Variants in FHAD1 observed in about 807,000 individuals in gnomAD.
FHAD1 encodes forkhead-associated domain-containing protein 1.
FHAD1 carries 146 observed loss-of-function variants against 191.3 expected under a neutral mutation model. The observed-to-expected ratio is 0.76, with a 90% confidence interval of 0.67 to 0.88. The LOEUF is 0.88. FHAD1 is among the 40% of genes least tolerant of loss of function. The pLI is 0.00. For synonymous variants in FHAD1, 616 were observed against 672.3 expected (o/e 0.92, Z 1.29); for missense variants, 1,635 against 1,785.8 (o/e 0.92, Z 1.52).
At chr1:15,267,531 C>T (rs2101105633) in intron 2 of FHAD1, among the ~76,000 whole-genome samples, 1 of 152,158 alleles carries the variant, frequency 6.6e-6, no homozygotes, top group Middle Eastern at 3.4e-3. Flanking sequence ...GAGCTGGTAT[C>T]ATTTCTTCCT....
Position 15,318,529 on chromosome 1 carries a change from G to T in FHAD1, c.1365+601G>T, listed in dbSNP as rs1675230726. 6.6e-6 allele frequency among the ~76,000 whole-genome samples: 1 copy of T among 152,126 alleles called. No individual in the cohort carries two copies. The highest frequency in any genetic ancestry group is 2.1e-4 in the South Asian group (1 of 4,828). ...GAGGCCTGTAATTCCAGCCACTCAG[G>T]AGGCTGAGGCAGGAGAATCACTTGA... On this transcript the variant is annotated intron_variant, in intron 10 of 33. Coordinates refer to ENST00000688493, the MANE Select transcript of FHAD1 (RefSeq NM_001391957.1). The surrounding 1 kb of genome is among the most constrained non-coding windows in gnomAD (Gnocchi z 4.1).
chr1:15,353,734 A>G (rs1282532895), intron 20 of FHAD1, among the ~76,000 whole-genome samples: 2 of 135,820 alleles, frequency 1.5e-5, no homozygotes, highest in South Asian at 4.3e-4. Context: ...AAAGAAAAGA[A>G]AAAAAAAAAA....
rs1672380429 is a variant in FHAD1, at chr1:15,311,884, G to GGA, written c.1040-1172_1040-1171insAG. Among the ~76,000 whole-genome samples, 1 of 152,156 alleles carries GGA rather than the reference G, an allele frequency of 6.6e-6. No homozygotes were observed. Among genetic ancestry groups the GGA allele is most frequent in the Non-Finnish European group, 1.5e-5 (1 of 68,032 alleles). Reference sequence around the variant, plus strand: ...TTGGGAGTGACTTAGTCTGGCTCAGGGTCTCTCACGAGGTTGCAGGAGCTA... The same window carrying GGA: ...TTGGGAGTGACTTAGTCTGGCTCAGGGAGTCTCTCACGAGGTTGCAGGAGCTA... On this transcript the variant is annotated intron_variant, in intron 7 of 33. Coordinates refer to ENST00000688493, the MANE Select transcript of FHAD1 (RefSeq NM_001391957.1). The surrounding 1 kb of genome is among the most constrained non-coding windows in gnomAD (Gnocchi z 4.1).
chr1:15,360,215 C>G (rs1694325763), intron 21 of FHAD1, among the ~76,000 whole-genome samples: 1 of 152,182 alleles, frequency 6.6e-6, no homozygotes, highest in African/African-American at 2.4e-5. Context: ...GACGCTGGAA[C>G]AGAAAGTGTC....
At chr1:15,245,697 C>T (rs1645939040), upstream of FHAD1, among the ~76,000 whole-genome samples, 1 of 152,204 alleles carries the variant, frequency 6.6e-6, no homozygotes, top group Non-Finnish European at 1.5e-5. Context: ...ACCTTCCAGA[C>T]TGAGGGCCTG....
rs1700707744 is a variant in FHAD1 at position 15,380,714 on chromosome 1, T to G, written c.3719T>G (p.Leu1240Arg). 1 of 1,551,580 alleles carries G rather than the reference T, an allele frequency of 6.4e-7. No homozygotes were observed. Among genetic ancestry groups the G allele is most frequent in the Non-Finnish European group, 8.7e-7 (1 of 1,146,970 alleles). Residue 1240 changes from leucine (L) to arginine (R), a missense_variant, in exon 29 of 34, where the codon CTT becomes CGT. Transcript: ENST00000688493. Reference sequence around the variant, plus strand: ...TTCTGATTTCAGCCTCAGAATGGCCTTTGCAACGCAAGGTTCGGCTCAGCC... The same window carrying G: ...TTCTGATTTCAGCCTCAGAATGGCCGTTGCAACGCAAGGTTCGGCTCAGCC... ...RIEILAPQNG[L>R]CNARFGSAME...
intron 2 of FHAD1, among the ~76,000 whole-genome samples, chr1:15,266,559 G>T (rs1167045853): frequency 6.6e-6 from 1 of 152,008 alleles, no homozygotes; most frequent in African/African-American, 2.4e-5. Context: ...TGATACATTT[G>T]TTGCAATTGA....
At chr1:15,237,238 T>C (rs1644881094) in intron 1 of FHAD1, among the ~76,000 whole-genome samples, 1 of 152,194 alleles carries the variant, frequency 6.6e-6, no homozygotes, top group African/African-American at 2.4e-5. Flanking sequence ...GTTGAAAGTA[T>C]TTTAACACAC....
At chr1:15,348,964 TATTATTATC>T in intron 18 of FHAD1, 69 bp from the exon 19 acceptor site, 1 of 896,840 alleles carries the variant, frequency 1.1e-6, no homozygotes, top group Non-Finnish European at 1.7e-6. Flanking sequence ...CTATTATTAT[TATTATTATC>T]ATTATCATTA....
At chr1:15,396,124 A>G (rs1340634199) in intron 33 of FHAD1, among the ~76,000 whole-genome samples, 3 of 152,206 alleles carry the variant, frequency 2.0e-5, no homozygotes, top group Non-Finnish European at 4.4e-5. Context: ...AGCCTGGGCA[A>G]CATGGCAAAA....
intron 14 of FHAD1, 140 bp from the exon 15 acceptor site, chr1:15,339,341 C>CT (rs1270959519): frequency 1.1e-5 from 4 of 373,974 alleles, no homozygotes; most frequent in Non-Finnish European, 1.6e-5. Context: ...TGCCCGGCTG[C>CT]TTATCAACTA....
Position 15,391,730 on chromosome 1 carries a change from CTG to C in FHAD1, c.4323+468_4323+469del, listed in dbSNP as rs529276069. On this transcript the variant is annotated intron_variant, in intron 33 of 33. Coordinates refer to ENST00000688493, the MANE Select transcript of FHAD1 (RefSeq NM_001391957.1). Reference sequence around the variant, plus strand: ...GACAACAAAATTGTCATTGGAAAAACTGAAGATATTCTATGCAAGGGACATTT... The same window carrying C: ...GACAACAAAATTGTCATTGGAAAAACAAGATATTCTATGCAAGGGACATTT... Among the ~76,000 whole-genome samples, 37 of 152,370 alleles carry C rather than the reference CTG, an allele frequency of 2.4e-4. No homozygotes were observed. The South Asian group carries it at 7.5e-3, about 31-fold the overall frequency.
chr1:15,295,406 T>C (rs1036181658), intron 4 of FHAD1, among the ~76,000 whole-genome samples: 2 of 152,140 alleles, frequency 1.3e-5, no homozygotes, highest in Admixed American at 1.3e-4. Context: ...CTTAGAGGTT[T>C]GAGACCAACT....
Position 15,326,894 on chromosome 1 carries a change from G to A in FHAD1, c.1474-165G>A, listed in dbSNP as rs1678881981. The A allele has an allele frequency of 1.2e-5, 7 of 588,288 alleles. No homozygotes were observed. The South Asian group carries it at 1.6e-4, about 13-fold the overall frequency. 36.4% of individuals were successfully genotyped at this position (588,288 alleles called of 1,614,324 possible). A position where few individuals can be genotyped will look rare whatever the true frequency, so the allele number is the denominator to read the frequency against. Reference sequence around the variant, plus strand: ...CCTGCTGTTCTCTTTTCTTCTGTGGGTCCCGCCACTCCCCGTGAGCGGTGA... The same window carrying A: ...CCTGCTGTTCTCTTTTCTTCTGTGGATCCCGCCACTCCCCGTGAGCGGTGA... On this transcript the variant is annotated intron_variant, in intron 11 of 33. Transcript: ENST00000688493.
intron 8 of FHAD1, among the ~76,000 whole-genome samples, chr1:15,315,860 G>T (rs1271707453): frequency 6.6e-6 from 1 of 152,134 alleles, no homozygotes; most frequent in Admixed American, 6.5e-5. Flanking sequence ...TTGCTGATTT[G>T]CCCAGCCATT....
At chr1:15,242,094 A>G (rs977447241) in intron 1 of FHAD1, among the ~76,000 whole-genome samples, 4 of 152,012 alleles carry the variant, frequency 2.6e-5, no homozygotes, top group African/African-American at 9.7e-5. Flanking sequence ...GTAGCCGGGC[A>G]TGGTGGCGTG....
In FHAD1 at chr1:15,376,085, A is replaced by T. The variant is rs149420755; in HGVS notation, c.3705+355A>T. ...TATTTATTTATTTATTTATTTTTTT[A>T]TTTATTTTTTTATTTATTTTTTGAG... is the stretch of plus-strand genomic sequence containing the variant. On this transcript the variant is annotated intron_variant, in intron 28 of 33. Transcript: ENST00000688493. 5.9e-3 allele frequency among the ~76,000 whole-genome samples: 736 copies of T among 125,248 alleles called. 7 individuals carry two copies. The highest frequency in any genetic ancestry group is 0.02 in the African/African-American group (579 of 29,248). The allele number at this position is 125,248 out of a possible 152,430, so 82.2% of individuals were successfully genotyped here.
At position 15,360,469 on chromosome 1, in the gene FHAD1, G is replaced by A. The variant is rs996234761; in HGVS notation, c.2737-9G>A. Reference sequence around the variant, plus strand: ...CCAAGACCTCACTGAGTGACTCTCTGTTTCCCAGATCATGGTGGAAGAGCG... The same window carrying A: ...CCAAGACCTCACTGAGTGACTCTCTATTTCCCAGATCATGGTGGAAGAGCG... On this transcript the variant is annotated splice_polypyrimidine_tract_variant and intron_variant, in intron 21 of 33. Transcript: ENST00000688493. 3 of 1,550,384 alleles carry A rather than the reference G, an allele frequency of 1.9e-6. No homozygotes were observed. The South Asian group carries it at 3.6e-5, about 18-fold the overall frequency.
At chr1:15,272,582 G>A (rs769245323) in intron 3 of FHAD1, 53 bp downstream of exon 3, 36 of 1,485,994 alleles carry the variant, frequency 2.4e-5, no homozygotes, top group Non-Finnish European at 2.9e-5. Flanking sequence ...CGTGCAGCCC[G>A]GCGCTCGGAT....
Sources: gnomAD v4.1 joint callset for allele counts (sites outside exome capture counted in the v4.1 genomes callset) on GRCh38, gnomAD v4.1.1 for gene constraint, Gnocchi (gnomAD v3.1) non-coding constraint, MANE v1.5 for transcripts, NCBI Gene and HGNC (gene_info 2026-07-23, HGNC 2026-07-21) for gene names.